The following EFCAB8 variants were observed in gnomAD, a reference collection of about 807,000 sequenced individuals.
The protein encoded by EFCAB8 is EF-hand calcium binding domain 8.
EFCAB8 carries 100 observed loss-of-function variants against 116.3 expected under a neutral mutation model. The observed-to-expected ratio is 0.86, with a 90% CI of 0.73 to 1.02. The LOEUF (loss-of-function observed/expected upper bound fraction) is 1.02, where lower values mean the gene tolerates loss of function less well. Ranked by LOEUF, EFCAB8 falls within the 50% of genes least tolerant of loss-of-function variation. The probability of loss-of-function intolerance (pLI) is 0.00; values close to 1 mark genes in which losing one functional copy is unlikely to be tolerated. For synonymous variants in EFCAB8, 558 were observed against 567.9 expected, an observed-to-expected ratio of 0.98 and a Z score of 0.25; for missense variants, 1,320 against 1,416.9, an observed-to-expected ratio of 0.93 and a Z score of 1.10.
intron 23 of EFCAB8, among the ~76,000 whole-genome samples, chr20:32,949,916 C>T (rs1988745058): frequency 6.6e-6 from 1 of 152,218 alleles, no homozygotes; most frequent in Non-Finnish European, 1.5e-5. Context: ...ACAAGAATCG[C>T]TTGAACCTGG....
At chr20:32,860,261 T>A (rs1984034100) in intron 1 of EFCAB8, among the ~76,000 whole-genome samples, 1 of 152,048 alleles carries the variant, frequency 6.6e-6, no homozygotes, top group Non-Finnish European at 1.5e-5. Context: ...TGAGCTGAGA[T>A]TGAGCCACTG....
At chr20:32,939,999 G>GCCTC (rs1173361139) in intron 22 of EFCAB8, among the ~76,000 whole-genome samples, 3 of 63,490 alleles carry the variant, frequency 4.7e-5, no homozygotes, top group African/African-American at 1.7e-4. Flanking sequence ...CTGCCTGCCT[G>GCCTC]CCTGCCTCCC....
At chr20:32,945,943 C>T (rs992300105) in intron 23 of EFCAB8, among the ~76,000 whole-genome samples, 1 of 152,152 alleles carries the variant, frequency 6.6e-6, no homozygotes, top group African/African-American at 2.4e-5. Context: ...TACAAGCTTC[C>T]CCCAGGCCTC....
At chr20:32,905,201 G>A (rs909190104) in intron 11 of EFCAB8, among the ~76,000 whole-genome samples, 1 of 152,196 alleles carries the variant, frequency 6.6e-6, no homozygotes. Context: ...TGTGCGGGAG[G>A]AGTAATATTT....
chr20:32,883,023 A>T (rs925132149), intron 5 of EFCAB8, among the ~76,000 whole-genome samples: 2 of 151,756 alleles, frequency 1.3e-5, no homozygotes, highest in Non-Finnish European at 2.9e-5. Context: ...TAGAGACGGG[A>T]TTTCACCGTA....
chr20:32,883,682 T>C (rs551428845), intron 5 of EFCAB8, among the ~76,000 whole-genome samples: 1 of 152,160 alleles, frequency 6.6e-6, no homozygotes, highest in South Asian at 2.1e-4. Context: ...GGTCAAGCCT[T>C]CACTGGTCTA....
At chr20:32,957,725 C>T (rs1989015193) in intron 23 of EFCAB8, among the ~76,000 whole-genome samples, 1 of 152,082 alleles carries the variant, frequency 6.6e-6, no homozygotes, top group Admixed American at 6.6e-5. Context: ...TGGTTTCTCT[C>T]TCTCTAAGCC....
chr20:32,909,886 T>C lies in EFCAB8; in HGVS notation c.1512T>C (p.His504=). Reference sequence around the variant, plus strand: ...TCAAAGCAAGGAAGAGGACCACTCATTGCTCACCCCTGTGTGCTGTCCTCT... The same window carrying C: ...TCAAAGCAAGGAAGAGGACCACTCACTGCTCACCCCTGTGTGCTGTCCTCT... ...GLIKARKRTT[H]CSPLCAVLYS... is the part of the protein sequence containing the mutation. The change falls in exon 15 of 27, where the codon CAT becomes CAC. Residue 504 remains histidine (H), a synonymous_variant. Transcript: ENST00000400522. 1 of 1,249,848 alleles carries C rather than the reference T, an allele frequency of 8.0e-7. No homozygotes were observed. The highest frequency in any genetic ancestry group is 1.0e-6 in the Non-Finnish European group (1 of 988,250). 77.4% of individuals were successfully genotyped at this position (1,249,848 alleles called of 1,614,324 possible).
At chr20:32,933,431 A>G (rs772882539) in intron 22 of EFCAB8, among the ~76,000 whole-genome samples, 1 of 152,234 alleles carries the variant, frequency 6.6e-6, no homozygotes, top group Non-Finnish European at 1.5e-5. Flanking sequence ...AAATCAAGCC[A>G]ATTAACATAT....
At chr20:32,871,130 G>A (rs1984663106) in intron 3 of EFCAB8, among the ~76,000 whole-genome samples, 2 of 152,094 alleles carry the variant, frequency 1.3e-5, no homozygotes, top group African/African-American at 4.8e-5. Context: ...GGGATTTCAG[G>A]TGTGAGCCAC....
intron 6 of EFCAB8, among the ~76,000 whole-genome samples, chr20:32,888,580 T>G (rs1482895890): frequency 2.0e-5 from 3 of 152,126 alleles, no homozygotes; most frequent in Non-Finnish European, 2.9e-5. Context: ...GGTCTCGAAC[T>G]CCTGGGCTCA....
chr20:32,910,115 G>A (rs1986851405), intron 15 of EFCAB8, among the ~76,000 whole-genome samples, 184 bp downstream of exon 15: 1 of 152,212 alleles, frequency 6.6e-6, no homozygotes, highest in Admixed American at 6.5e-5. Context: ...AGATGGGCTG[G>A]CGTGGGATCA....
At chr20:32,873,317 G>C (rs1420568459) in intron 3 of EFCAB8, among the ~76,000 whole-genome samples, 1 of 151,652 alleles carries the variant, frequency 6.6e-6, no homozygotes, top group Non-Finnish European at 1.5e-5. Context: ...TTGACCTCGT[G>C]ATCCACCTGC....
At chr20:32,957,397 G>A (rs1989004743) in intron 23 of EFCAB8, among the ~76,000 whole-genome samples, 1 of 151,974 alleles carries the variant, frequency 6.6e-6, no homozygotes, top group Non-Finnish European at 1.5e-5. Context: ...TTCCCCCAGA[G>A]CATTTGCTCT....
At chr20:32,899,108 G>T (rs1225553129) in intron 11 of EFCAB8, among the ~76,000 whole-genome samples, 1 of 152,054 alleles carries the variant, frequency 6.6e-6, no homozygotes, top group African/African-American at 2.4e-5. Context: ...GTTAGTCACC[G>T]GGCGCGGTGG....
At chr20:32,875,501 G>GTTTTTTTTTTTTTTTTTT (rs1468256873) in intron 3 of EFCAB8, among the ~76,000 whole-genome samples, 10 of 78,068 alleles carry the variant, frequency 1.3e-4, no homozygotes, top group Non-Finnish European at 2.2e-4. Context: ...TAAACATGGT[G>GTTTTTTTTTTTTTTTTTT]GTTTTTTTTT....
Position 32,906,931 on chromosome 20 carries a change from A to C in EFCAB8, c.1245A>C (p.Ser415=). 2.6e-6 allele frequency: 4 copies of C among 1,549,742 alleles called. No individual in the cohort carries two copies. Among genetic ancestry groups the C allele is most frequent in the Non-Finnish European group, 1.7e-6 (2 of 1,145,982 alleles). ...GGCTGATGAAGGGACACCAGACCTC[A>C]GTGACGCACATCCTTGTGGATAGCA... ...PVWLMKGHQT[S]VTHILVDSRN... The change falls in exon 13 of 27, where the codon TCA becomes TCC. Residue 415 remains serine (S), a synonymous_variant. Coordinates refer to ENST00000400522, the MANE Select transcript of EFCAB8 (RefSeq NM_001143967.2).
intron 3 of EFCAB8, among the ~76,000 whole-genome samples, chr20:32,870,452 CA>C (rs1390806383): frequency 1.3e-5 from 2 of 152,144 alleles, no homozygotes; most frequent in African/African-American, 4.8e-5. Flanking sequence ...CCCATGTGCC[CA>C]GGTATGTCCC....
intron 3 of EFCAB8, among the ~76,000 whole-genome samples, chr20:32,870,109 C>T (rs1984615123): frequency 6.6e-6 from 1 of 152,194 alleles, no homozygotes; most frequent in Admixed American, 6.5e-5. Context: ...TTTACAACCA[C>T]ACTGTGATGT....
Sources: gnomAD v4.1 joint callset for allele counts (sites outside exome capture counted in the v4.1 genomes callset) on GRCh38, gnomAD v4.1.1 for gene constraint, MANE v1.5 for transcripts, NCBI Gene and HGNC (gene_info 2026-07-23, HGNC 2026-07-21) for gene names.